DLGAP2: variants seen among roughly 807,000 people sequenced by gnomAD.
DLGAP2 encodes the protein disks large-associated protein 2.
Under a neutral mutation model 100.3 loss-of-function variants are expected in DLGAP2, and 26 were observed. That is an observed-to-expected ratio of 0.26 (90% CI 0.19 to 0.36). The LOEUF is 0.36. Ranked by LOEUF, DLGAP2 falls within the 10% of genes least tolerant of loss-of-function variation. The pLI is 1.00. For synonymous variants in DLGAP2, 886 were observed against 630.1 expected (o/e 1.41, Z -6.08); for missense variants, 1,858 against 1,453.2 (o/e 1.28, Z -4.53).
chr8:1,585,573 G>T (rs761045108), intron 6 of DLGAP2, among the ~76,000 whole-genome samples: 1 of 152,180 alleles, frequency 6.6e-6, no homozygotes. Context: ...CACAGACCAC[G>T]TAAGCTTTTC....
intron 10 of DLGAP2, among the ~76,000 whole-genome samples, chr8:1,675,350 T>C (rs1296869666): frequency 6.6e-6 from 1 of 152,166 alleles, no homozygotes; most frequent in Non-Finnish European, 1.5e-5. Flanking sequence ...CCTCCTCTGA[T>C]CCGCCAGCTC....
At chr8:1,081,643 C>G (rs1585042226) in intron 2 of DLGAP2, among the ~76,000 whole-genome samples, 1 of 152,142 alleles carries the variant, frequency 6.6e-6, no homozygotes. Flanking sequence ...GACCCCCACG[C>G]CTGGCTAGTT....
chr8:873,617 T>C (rs1159999657), intron 1 of DLGAP2, among the ~76,000 whole-genome samples: 2 of 152,234 alleles, frequency 1.3e-5, no homozygotes, highest in African/African-American at 4.8e-5. Flanking sequence ...ATTTATGAGA[T>C]ATTCATCTTT....
At chr8:1,104,022 G>A (rs1001321433) in intron 2 of DLGAP2, among the ~76,000 whole-genome samples, 31 of 152,182 alleles carry the variant, frequency 2.0e-4, no homozygotes, top group Admixed American at 1.6e-3. Context: ...AACACAAAGC[G>A]CTTGCTTGTG....
intron 2 of DLGAP2, among the ~76,000 whole-genome samples, chr8:1,013,099 T>G (rs1237725195): frequency 6.6e-6 from 1 of 152,226 alleles, no homozygotes; most frequent in East Asian, 1.9e-4. Flanking sequence ...ATGTTCTTTG[T>G]GGTCCATTAT....
chr8:767,858 C>A (rs1473377533), intron 1 of DLGAP2, among the ~76,000 whole-genome samples: 1 of 152,084 alleles, frequency 6.6e-6, no homozygotes, highest in South Asian at 2.1e-4. Context: ...TAAACTTGAC[C>A]CTCAGGGAGA....
chr8:826,548 G>A (rs770900630), intron 1 of DLGAP2, among the ~76,000 whole-genome samples: 2 of 151,990 alleles, frequency 1.3e-5, no homozygotes, highest in East Asian at 3.9e-4. Flanking sequence ...ACCTTTTTGG[G>A]TGCTGGGTAT....
At chr8:1,043,464 G>C (rs1324029904) in intron 2 of DLGAP2, among the ~76,000 whole-genome samples, 1 of 151,654 alleles carries the variant, frequency 6.6e-6, no homozygotes, top group African/African-American at 2.4e-5. Context: ...GGTGGTGGCT[G>C]GTAGGTGGTG....
chr8:1,123,788 A>G (rs1230798141), intron 2 of DLGAP2, among the ~76,000 whole-genome samples: 3 of 152,094 alleles, frequency 2.0e-5, no homozygotes, highest in African/African-American at 7.2e-5. Context: ...AAACTTCAGC[A>G]CTTTGTACAT....
intron 3 of DLGAP2, among the ~76,000 whole-genome samples, chr8:1,484,015 C>A (rs545828341): frequency 6.6e-6 from 1 of 152,242 alleles, no homozygotes; most frequent in Non-Finnish European, 1.5e-5. Context: ...TGCCCCATTT[C>A]AAACACTGTT....
intron 2 of DLGAP2, among the ~76,000 whole-genome samples, chr8:1,242,710 G>A (rs796943385): frequency 7.9e-5 from 12 of 152,342 alleles, no homozygotes; most frequent in African/African-American, 2.9e-4. Context: ...GTGAGTGAGT[G>A]CATAGGTGGG....
At chr8:1,212,944 A>G (rs1798136392) in intron 2 of DLGAP2, among the ~76,000 whole-genome samples, 1 of 151,952 alleles carries the variant, frequency 6.6e-6, no homozygotes, top group Non-Finnish European at 1.5e-5. Context: ...TAGATCAGAA[A>G]CATTTCTTAT....
chr8:1,256,680 A>G (rs1011263129), intron 2 of DLGAP2, among the ~76,000 whole-genome samples: 3 of 152,138 alleles, frequency 2.0e-5, no homozygotes, highest in African/African-American at 7.2e-5. Context: ...CACCTTGGAA[A>G]CTGAGGGGAA....
intron 1 of DLGAP2, among the ~76,000 whole-genome samples, chr8:904,577 G>A (rs1182660559): frequency 2.0e-5 from 3 of 152,192 alleles, no homozygotes; most frequent in Non-Finnish European, 4.4e-5. Flanking sequence ...TGACCCGGGG[G>A]TGCTTCTTCT....
intron 3 of DLGAP2, among the ~76,000 whole-genome samples, chr8:1,500,601 C>G (rs775892530): frequency 1.3e-5 from 2 of 152,278 alleles, no homozygotes; most frequent in African/African-American, 2.4e-5. Context: ...ATGCTCAGTC[C>G]AGCTCCTCAG....
intron 8 of DLGAP2, among the ~76,000 whole-genome samples, chr8:1,648,737 C>T (rs1211205642): frequency 6.6e-6 from 1 of 152,330 alleles, no homozygotes; most frequent in East Asian, 1.9e-4. Flanking sequence ...CCTCTTTCCT[C>T]CTCTCCCTGA....
chr8:830,032 T>C (rs935592816), intron 1 of DLGAP2, among the ~76,000 whole-genome samples: 1 of 152,228 alleles, frequency 6.6e-6, no homozygotes, highest in Non-Finnish European at 1.5e-5. Flanking sequence ...ACTTAAAATA[T>C]TTCAAAAGAT....
chr8:1,088,655 C>T (rs1456834921), intron 2 of DLGAP2, among the ~76,000 whole-genome samples: 1 of 151,846 alleles, frequency 6.6e-6, no homozygotes, highest in Non-Finnish European at 1.5e-5. Flanking sequence ...CTCTCTCCAC[C>T]CCTCATGCAG....
chr8:868,877 C>A (rs928620631), intron 1 of DLGAP2, among the ~76,000 whole-genome samples: 1 of 152,240 alleles, frequency 6.6e-6, no homozygotes, highest in African/African-American at 2.4e-5. Flanking sequence ...GTGGGGGCCG[C>A]GCAGGTTCCA....
Sources: gnomAD v4.1 joint callset for allele counts (sites outside exome capture counted in the v4.1 genomes callset) on GRCh38, gnomAD v4.1.1 for gene constraint, MANE v1.5 for transcripts, NCBI Gene and HGNC (gene_info 2026-07-23, HGNC 2026-07-21) for gene names.